The following NBAS variants were observed in gnomAD, a reference collection of about 807,000 sequenced individuals.
NBAS encodes the protein NBAS subunit of NRZ tethering complex, also known as NAG/BC035112 fusion.
NBAS carries 219 observed loss-of-function variants against 302.5 expected under a neutral mutation model. The ratio of observed to expected loss-of-function variants is 0.72; its 90% CI spans 0.65 to 0.81. The LOEUF (loss-of-function observed/expected upper bound fraction) is 0.81. NBAS is among the 30% of genes least tolerant of loss of function. NBAS has a pLI of 0.00. For synonymous variants in NBAS, 1,118 were observed against 1,021.6 expected, an observed-to-expected ratio of 1.09 and a Z score of -1.80; for missense variants, 2,932 against 2,841.6, an observed-to-expected ratio of 1.03 and a Z score of -0.72.
chr2:15,366,231 G>GT (rs1469449117), intron 32 of NBAS, among the ~76,000 whole-genome samples: 1 of 152,192 alleles, frequency 6.6e-6, no homozygotes, highest in Non-Finnish European at 1.5e-5. Context: ...GTTATAAATG[G>GT]TAACACTGAC....
intron 9 of NBAS, among the ~76,000 whole-genome samples, chr2:15,515,846 T>C (rs1392037737): frequency 6.6e-6 from 1 of 152,144 alleles, no homozygotes; most frequent in Admixed American, 6.5e-5. Flanking sequence ...AATAAATGTT[T>C]GCTGAGGGGC....
At chr2:14,785,511 T>C in the NBAS span, among the ~76,000 whole-genome samples, 1 of 152,216 alleles carries the variant, frequency 6.6e-6, no homozygotes, top group Admixed American at 6.5e-5. Flanking sequence ...CTTAATTTAT[T>C]GAGAGTTTTT....
chr2:15,374,197 T>C (rs915130196), intron 31 of NBAS, among the ~76,000 whole-genome samples: 1 of 152,138 alleles, frequency 6.6e-6, no homozygotes, highest in Non-Finnish European at 1.5e-5. Flanking sequence ...GAGTCAAGCA[T>C]AAAAAGAAAA....
chr2:15,536,653 C>T, intron 7 of NBAS, 102 bp from the exon 8 acceptor site: 1 of 1,084,964 alleles, frequency 9.2e-7, no homozygotes, highest in East Asian at 2.4e-5. Context: ...TTCAGGTACA[C>T]TTTATGTAAG....
chr2:15,190,211 C>A, intron 49 of NBAS, 53 bp downstream of exon 49: 2 of 1,601,280 alleles, frequency 1.2e-6, no homozygotes, highest in Non-Finnish European at 1.7e-6. Context: ...ATTTTTAGGG[C>A]TAAAGTCCAA....
rs1349486865 is a variant in NBAS, at chr2:15,179,106, T to C, written c.6722A>G (p.Glu2241Gly). Residue 2241 changes from glutamate (E) to glycine (G), a missense_variant, in exon 51 of 52, where the codon GAG (glutamate) becomes GGG (glycine). Coordinates refer to ENST00000281513, the MANE Select transcript of NBAS (RefSeq NM_015909.4). ...CTGGTTAAGCAGCAGCAGACACAGC[T>C]CCTTCACACCCTGAAACCACAGAGC... is the stretch of plus-strand genomic sequence containing the variant. ...KQMLPAEGVK[E>G]LCLLLLNQSL... 6.2e-7 allele frequency: 1 copy of C among 1,614,134 alleles called. No individual in the cohort carries two copies. The highest frequency in any genetic ancestry group is 8.5e-7 in the Non-Finnish European group (1 of 1,180,026).
intron 3 of NBAS, 23 bp from the exon 4 acceptor site, chr2:15,554,161 A>C: frequency 6.3e-7 from 1 of 1,599,038 alleles, no homozygotes; most frequent in Non-Finnish European, 8.6e-7. Flanking sequence ...CACATTAGTT[A>C]GCTTAAAATC....
chr2:14,902,538 C>A, the NBAS span, among the ~76,000 whole-genome samples: 4 of 152,146 alleles, frequency 2.6e-5, no homozygotes, highest in Non-Finnish European at 5.9e-5. Flanking sequence ...TATATGTAGA[C>A]CCATGTGTAG....
intron 8 of NBAS, 68 bp from the exon 9 acceptor site, chr2:15,534,709 TAA>T: frequency 2.6e-6 from 3 of 1,157,846 alleles, no homozygotes; most frequent in Non-Finnish European, 3.9e-6. Context: ...AAATACCCAA[TAA>T]AATGTTTAGA....
chr2:15,226,298 T>C (rs1390139169), intron 47 of NBAS, among the ~76,000 whole-genome samples: 2 of 152,210 alleles, frequency 1.3e-5, no homozygotes, highest in Non-Finnish European at 2.9e-5. Context: ...TTTTGTTTGT[T>C]TCCTTGTTTT....
intron 6 of NBAS, among the ~76,000 whole-genome samples, chr2:15,550,508 C>T (rs1459634624): frequency 6.6e-6 from 1 of 152,132 alleles, no homozygotes; most frequent in East Asian, 1.9e-4. Context: ...ACTGTAGGTC[C>T]TGTAAATAAA....
intron 25 of NBAS, among the ~76,000 whole-genome samples, chr2:15,405,072 C>T (rs893468995): frequency 2.0e-5 from 3 of 152,152 alleles, no homozygotes; most frequent in African/African-American, 4.8e-5. Context: ...TTTTAGTCTA[C>T]TCCTACCTGG....
In NBAS at chr2:15,366,712, T is replaced by C; in HGVS notation, c.3704-19A>G. On this transcript the variant is annotated intron_variant, in intron 31 of 51. Transcript: ENST00000281513. ...AATCGCACTACAAAAGAAAGACGTA[T>C]TAAAGACTTGGACCAGGGACATCAC... The C allele has an allele frequency of 1.9e-6, 3 of 1,609,434 alleles. No individual in the cohort carries two copies. Among genetic ancestry groups the C allele is most frequent in the Non-Finnish European group, 2.6e-6 (3 of 1,175,862 alleles).
At chr2:14,823,413 G>GA in the NBAS span, among the ~76,000 whole-genome samples, 2 of 152,122 alleles carry the variant, frequency 1.3e-5, no homozygotes, top group African/African-American at 4.8e-5. Flanking sequence ...TTATAAAGCA[G>GA]AAAAAAACTC....
At chr2:15,397,923 G>C (rs1490577203) in intron 26 of NBAS, 2 of 174,456 alleles carry the variant, frequency 1.1e-5, no homozygotes, top group African/African-American at 4.8e-5. Context: ...CTATCTGCCT[G>C]GTCTAAATGT....
At chr2:15,128,103 A>G in the NBAS span, among the ~76,000 whole-genome samples, 1 of 152,190 alleles carries the variant, frequency 6.6e-6, no homozygotes, top group Non-Finnish European at 1.5e-5. Context: ...AGGAAACCCA[A>G]GGGAATTCCC....
At chr2:14,829,211 A>G in the NBAS span, among the ~76,000 whole-genome samples, 796 of 152,150 alleles carry the variant, frequency 5.2e-3, 5 homozygotes, top group African/African-American at 0.018. Context: ...GGGAGATTAC[A>G]CTGAACTCAG....
the NBAS span, among the ~76,000 whole-genome samples, chr2:15,129,249 T>G: frequency 3.9e-5 from 6 of 152,372 alleles, no homozygotes; most frequent in Non-Finnish European, 8.8e-5. Flanking sequence ...ACTCCCCTGT[T>G]GCACATGGCC....
rs1678850294 is a variant in NBAS, at chr2:15,448,384, G to A, written c.2339+12817C>T. Among the ~76,000 whole-genome samples, 9 of 152,254 alleles carry A rather than the reference G, an allele frequency of 5.9e-5. No homozygotes were observed. The South Asian group carries it at 1.9e-3, about 32-fold the overall frequency. ...TATGCTAGCAACTGTGCTAGATGAT[G>A]TATCGCTTACGTTACTTAATCATAA... is the stretch of plus-strand genomic sequence containing the variant. On this transcript the variant is annotated intron_variant, in intron 21 of 51. Transcript: ENST00000281513.
Sources: gnomAD v4.1 joint callset for allele counts (sites outside exome capture counted in the v4.1 genomes callset) on GRCh38, gnomAD v4.1.1 for gene constraint, MANE v1.5 for transcripts, NCBI Gene and HGNC (gene_info 2026-07-23, HGNC 2026-07-21) for gene names.